The following SETD4 variants were observed in gnomAD, a reference collection of about 807,000 sequenced individuals.
SETD4 encodes SET domain containing 4, also known as SET domain-containing protein 4.
SETD4 carries 46 observed loss-of-function variants against 58.3 expected under a neutral mutation model. The ratio of observed to expected loss-of-function variants is 0.79; its 90% CI spans 0.62 to 1.01. The LOEUF (loss-of-function observed/expected upper bound fraction) is 1.01, where lower values mean the gene tolerates loss of function less well. Among genes scored for constraint, SETD4 ranks in the 50% least tolerant of loss-of-function variants. SETD4 has a pLI of 0.00. For missense variants in SETD4, 490 were observed against 523.3 expected, an observed-to-expected ratio of 0.94 and a Z score of 0.62; for synonymous variants, 190 against 202.6, an observed-to-expected ratio of 0.94 and a Z score of 0.53.
chr21:36,040,339 A>G (rs1337586139), intron 9 of SETD4, among the ~76,000 whole-genome samples: 2 of 152,252 alleles, frequency 1.3e-5, no homozygotes, highest in Non-Finnish European at 2.9e-5. Context: ...AAACAAAAAG[A>G]TTATCAAAAC....
At chr21:36,041,983 A>G in intron 7 of SETD4, 95 bp from the exon 8 acceptor site, 1 of 636,396 alleles carries the variant, frequency 1.6e-6, no homozygotes, top group Non-Finnish European at 2.7e-6. Flanking sequence ...TCCCTTTAGC[A>G]ACCCAGACAT....
chr21:36,048,339 T>A lies in SETD4; in HGVS notation c.265A>T (p.Ile89Phe), dbSNP rs1173581722. ...ATGTATGCCCCTAAGTAGCTTCGAA[T>A]CACTGTGTCCGTGGTGAGCAGGCAA... ...ESCLLTTDTV[I>F]RSYLGAYITK... The change falls in exon 5 of 12, where the codon ATT (isoleucine) becomes TTT (phenylalanine). Residue 89 changes from isoleucine to phenylalanine, a missense_variant. Coordinates refer to ENST00000332131, the MANE Select transcript of SETD4 (RefSeq NM_017438.5). 1.9e-6 allele frequency: 3 copies of A among 1,614,102 alleles called. No homozygotes were observed. In the Admixed American group the frequency reaches 5.0e-5, roughly 27 times the overall value.
intron 5 of SETD4, among the ~76,000 whole-genome samples, 172 bp downstream of exon 5, chr21:36,048,136 G>T (rs540049683): frequency 6.6e-6 from 1 of 151,978 alleles, no homozygotes; most frequent in South Asian, 2.1e-4. Context: ...AGGAAGGCAG[G>T]GAGGGAGGGC....
At position 36,051,260 on chromosome 21, in the gene SETD4, C is replaced by T. The variant is rs2064666639; in HGVS notation, c.207+2323G>A. 1.9e-6 allele frequency: 3 copies of T among 1,600,590 alleles called. No homozygotes were observed. In the African/African-American group the frequency reaches 4.0e-5, roughly 21 times the overall value. On this transcript the variant is annotated intron_variant, in intron 4 of 11. Transcript: ENST00000332131. ...CTGTTGACAACATAAGTGCAAGTTC[C>T]AGCTCTGTTGACAGTGACCCTGAAA...
At chr21:36,058,468 T>C (rs2065098135) in intron 2 of SETD4, among the ~76,000 whole-genome samples, 1 of 148,660 alleles carries the variant, frequency 6.7e-6, no homozygotes, top group South Asian at 2.1e-4. Flanking sequence ...ATCACGCCAC[T>C]GCATTCCAAT....
At chr21:36,042,765 G>A (rs1431368198) in intron 7 of SETD4, 1 of 151,952 alleles carries the variant, frequency 6.6e-6, no homozygotes, top group Non-Finnish European at 1.5e-5. Context: ...CACTATATTT[G>A]GAATTTTCAC....
At chr21:36,038,326 T>C in intron 9 of SETD4, 53 bp from the exon 10 acceptor site, 1 of 1,593,044 alleles carries the variant, frequency 6.3e-7, no homozygotes, top group Non-Finnish European at 8.5e-7. Flanking sequence ...AAAAAACAGA[T>C]TTTTTTGTTT....
chr21:36,050,872 A>G (rs2064643442), intron 4 of SETD4: 23 of 1,610,852 alleles, frequency 1.4e-5, no homozygotes, highest in Non-Finnish European at 1.9e-5. Context: ...ACCATGTTAC[A>G]TTGTTCAACA....
intron 7 of SETD4, 88 bp downstream of exon 7, chr21:36,043,694 G>T: frequency 6.4e-7 from 1 of 1,555,328 alleles, no homozygotes; most frequent in South Asian, 1.2e-5. Context: ...TTAAGGTTTT[G>T]ATATTTTTAT....
Position 36,038,252 on chromosome 21 carries a change from A to G in SETD4, c.1086T>C (p.Leu362=), listed in dbSNP as rs1336511748. Residue 362 remains leucine (L), a synonymous_variant, in exon 10 of 12, where the codon CTT becomes CTC. Coordinates refer to ENST00000332131, the MANE Select transcript of SETD4 (RefSeq NM_017438.5). The part of the protein sequence containing the change: ...AEKFTCWKKV[L]LGEVISDTNE... ...TCGTATCTGAAATTACCTCCCCAAG[A>G]AGTACTTTTTTCCAGCATGTACTAG... 1 of 1,613,336 alleles carries G rather than the reference A, an allele frequency of 6.2e-7. No individual in the cohort carries two copies. The highest frequency in any genetic ancestry group is 8.5e-7 in the Non-Finnish European group (1 of 1,179,902).
Position 36,043,873 on chromosome 21 carries a change from G to C in SETD4, c.810C>G (p.Ile270Met). The C allele has an allele frequency of 6.2e-7, 1 of 1,614,206 alleles. No individual in the cohort carries two copies. The highest frequency in any genetic ancestry group is 8.5e-7 in the Non-Finnish European group (1 of 1,180,028). ...SRWRKHEEVF[I>M]CYGPHDNQRL... The stretch of plus-strand genomic sequence containing the variant: ...GTTGATTATCGTGAGGGCCGTAACA[G>C]ATGAATACCTCTTCATGCTTTCTCC... Residue 270 changes from isoleucine (I) to methionine (M), a missense_variant, in exon 7 of 12, where the codon ATC becomes ATG. Transcript: ENST00000332131.
intron 2 of SETD4, among the ~76,000 whole-genome samples, chr21:36,057,961 G>T (rs1435893035): frequency 6.6e-6 from 1 of 152,202 alleles, no homozygotes; most frequent in Non-Finnish European, 1.5e-5. Flanking sequence ...TTTCCAGATG[G>T]CCAAGCACTT....
At chr21:36,040,251 CAG>C (rs1418435250) in intron 9 of SETD4, among the ~76,000 whole-genome samples, 1 of 152,252 alleles carries the variant, frequency 6.6e-6, no homozygotes, top group Non-Finnish European at 1.5e-5. Context: ...CCTACCTACT[CAG>C]AGACTTTCCT....
At chr21:36,039,916 C>T (rs1262770096) in intron 9 of SETD4, among the ~76,000 whole-genome samples, 1 of 152,248 alleles carries the variant, frequency 6.6e-6, no homozygotes, top group Non-Finnish European at 1.5e-5. Context: ...CCCAACTGTT[C>T]AAGGACAGCC....
Position 36,041,844 on chromosome 21 carries a change from TG to T in SETD4, c.945del (p.Asp315GlufsTer7). The T allele has an allele frequency of 6.7e-7, 1 of 1,483,524 alleles. No individual in the cohort carries two copies. Among genetic ancestry groups the T allele is most frequent in the Non-Finnish European group, 9.2e-7 (1 of 1,086,486 alleles). 91.9% of individuals were successfully genotyped at this position (1,483,524 alleles called of 1,614,324 possible). On this transcript the variant is annotated frameshift_variant, in exon 8 of 12. Coordinates refer to ENST00000332131, the MANE Select transcript of SETD4 (RefSeq NM_017438.5). LOFTEE classifies it high-confidence loss of function. ...KYLPSTDKQMDKKISILKDHG... is the reference protein window; with the variant it reads ...KYLPSTDKQMXKKISILKDHG... ...TGATCCTTTAAAATAGAAATCTTTT[TG>T]TCCATCTGTTTATCTGTTGATGGAA...
At chr21:36,036,474 AC>A in intron 10 of SETD4, 2 of 304,706 alleles carry the variant, frequency 6.6e-6, no homozygotes, top group Non-Finnish European at 9.6e-6. Context: ...TCTTCCCCAA[AC>A]CCCCCGTCAC....
chr21:36,057,189 T>G lies in SETD4; in HGVS notation c.89A>C (p.Lys30Thr), dbSNP rs547683294. 1 of 1,614,044 alleles carries G rather than the reference T, an allele frequency of 6.2e-7. No individual in the cohort carries two copies. The highest frequency in any genetic ancestry group is 8.5e-7 in the Non-Finnish European group (1 of 1,179,882). ...SESRGVNESHKSEFIELRKWL... is the reference protein window; with the variant it reads ...SESRGVNESHTSEFIELRKWL... ...CTTCCTCAGCTCTATAAATTCAGACTTGTGGCTCTCATTCACTATCAGGCA... is the reference window on the plus strand; with the variant it reads ...CTTCCTCAGCTCTATAAATTCAGACGTGTGGCTCTCATTCACTATCAGGCA... The change falls in exon 3 of 12, where the codon AAG becomes ACG. Residue 30 changes from lysine (K) to threonine (T), a missense_variant. Transcript: ENST00000332131.
chr21:36,038,369 TC>T, intron 9 of SETD4, 96 bp from the exon 10 acceptor site: 1 of 1,409,928 alleles, frequency 7.1e-7, no homozygotes, highest in Non-Finnish European at 9.7e-7. Flanking sequence ...CTCCTATTTC[TC>T]CAGGAGCATA....
chr21:36,039,045 A>C (rs1044428099), intron 9 of SETD4, among the ~76,000 whole-genome samples: 1 of 152,142 alleles, frequency 6.6e-6, no homozygotes, highest in Non-Finnish European at 1.5e-5. Flanking sequence ...ACAGGAGCCC[A>C]TTAGATTCAG....
Sources: allele counts gnomAD v4.1 joint callset (sites outside exome capture counted in the v4.1 genomes callset), GRCh38; gene constraint gnomAD v4.1.1; transcripts MANE v1.5; gene names NCBI Gene and HGNC (gene_info 2026-07-23, HGNC 2026-07-21).